Variants in BNC2 observed in about 807,000 individuals in gnomAD.
BNC2 encodes zinc finger protein basonuclin-2.
BNC2 carries 20 observed loss-of-function variants against 76.3 expected under a neutral mutation model. The ratio of observed to expected loss-of-function variants is 0.26; its 90% CI spans 0.18 to 0.38. The LOEUF is 0.38. Among genes scored for constraint, BNC2 ranks in the 10% least tolerant of loss-of-function variants. The pLI is 1.00. For synonymous variants in BNC2, 582 were observed against 514.8 expected (o/e 1.13, Z -1.77); for missense variants, 1,382 against 1,399.8 (o/e 0.99, Z 0.20).
chr9:16,758,881 T>A (rs1261089856), intron 1 of BNC2, among the ~76,000 whole-genome samples: 2 of 151,552 alleles, frequency 1.3e-5, no homozygotes, highest in Non-Finnish European at 2.9e-5. Flanking sequence ...TGGTTGTATT[T>A]ATACTCACAG....
intron 4 of BNC2, among the ~76,000 whole-genome samples, chr9:16,557,388 A>G (rs1463194509): frequency 6.6e-6 from 1 of 151,938 alleles, no homozygotes; most frequent in African/African-American, 2.4e-5. Flanking sequence ...AGTCCCAGCT[A>G]CTTGGAAGGC....
intron 1 of BNC2, among the ~76,000 whole-genome samples, chr9:16,866,414 T>C (rs2136231603): frequency 6.6e-6 from 1 of 151,878 alleles, no homozygotes; most frequent in Admixed American, 6.6e-5. Flanking sequence ...TAAAAGAAGT[T>C]AACCCACTTC....
At position 16,769,659 on chromosome 9, in the gene BNC2, G is replaced by A. The variant is rs115587332; in HGVS notation, c.4-31174C>T. 3.4e-3 allele frequency among the ~76,000 whole-genome samples: 522 copies of A among 152,276 alleles called. 3 individuals are homozygous for A. Among genetic ancestry groups the A allele is most frequent in the African/African-American group, 0.012 (491 of 41,546 alleles). ...CTGCCTGCCCCTTACTAGTCACACC[G>A]CTTCCTCATCTACAAAATGAGGTAA... On this transcript the variant is annotated intron_variant, in intron 1 of 6. Transcript: ENST00000380672.
At chr9:16,666,308 G>A (rs550895602) in intron 3 of BNC2, among the ~76,000 whole-genome samples, 4 of 152,232 alleles carry the variant, frequency 2.6e-5, no homozygotes, top group Admixed American at 6.5e-5. Flanking sequence ...CTCTGGTAAT[G>A]TTGGCATTCC....
intron 1 of BNC2, among the ~76,000 whole-genome samples, chr9:16,755,593 C>T (rs1825361967): frequency 6.6e-6 from 1 of 152,078 alleles, no homozygotes; most frequent in Non-Finnish European, 1.5e-5. Context: ...CAGTACATTC[C>T]CAGGGTTCAG....
At chr9:16,736,463 A>T (rs1824672447) in intron 2 of BNC2, among the ~76,000 whole-genome samples, 1 of 150,378 alleles carries the variant, frequency 6.6e-6, no homozygotes, top group Non-Finnish European at 1.5e-5. Flanking sequence ...ATTATTGTTT[A>T]TTATTATGAT....
intron 3 of BNC2, among the ~76,000 whole-genome samples, chr9:16,705,943 C>CAA (rs1441605715): frequency 6.6e-6 from 1 of 152,118 alleles, no homozygotes; most frequent in East Asian, 1.9e-4. Flanking sequence ...AACAAACAAG[C>CAA]AACAATATTA....
intron 1 of BNC2, among the ~76,000 whole-genome samples, chr9:16,838,751 T>C (rs957238586): frequency 4.6e-5 from 7 of 152,226 alleles, no homozygotes; most frequent in African/African-American, 1.7e-4. Context: ...ACAGTTGCTC[T>C]TAGGTAAAAT....
At chr9:16,548,403 TCG>T (rs1818554946) in intron 5 of BNC2, among the ~76,000 whole-genome samples, 1 of 149,680 alleles carries the variant, frequency 6.7e-6, no homozygotes, top group African/African-American at 2.4e-5. Flanking sequence ...TTCTTCTTCT[TCG>T]TTTTTTTTTT....
At chr9:16,841,962 A>G (rs1818841179) in intron 1 of BNC2, among the ~76,000 whole-genome samples, 1 of 152,110 alleles carries the variant, frequency 6.6e-6, no homozygotes, top group Non-Finnish European at 1.5e-5. Context: ...GGCATGCACT[A>G]CCACGTCCAT....
intron 6 of BNC2, among the ~76,000 whole-genome samples, chr9:16,430,799 G>A (rs770432937): frequency 6.6e-6 from 1 of 152,228 alleles, no homozygotes; most frequent in Non-Finnish European, 1.5e-5. Context: ...AAATACACAT[G>A]TCTTCCGCCA....
intron 5 of BNC2, among the ~76,000 whole-genome samples, chr9:16,485,362 T>A (rs1478448837): frequency 1.3e-5 from 2 of 152,194 alleles, no homozygotes; most frequent in African/African-American, 4.8e-5. Flanking sequence ...CAGTTTGCAT[T>A]TTTGTAAAGT....
intron 1 of BNC2, among the ~76,000 whole-genome samples, chr9:16,749,267 A>G (rs56348592): frequency 0.2 from 30,522 of 152,152 alleles, 4,108 homozygotes; most frequent in East Asian, 0.75. Context: ...CTCTTACAAA[A>G]GTAGAAGTCT....
At chr9:16,820,791 C>A in intron 1 of BNC2, among the ~76,000 whole-genome samples, 1 of 148,368 alleles carries the variant, frequency 6.7e-6, no homozygotes. Context: ...TGAAACAGGC[C>A]AAGTGTATAA....
intron 3 of BNC2, among the ~76,000 whole-genome samples, chr9:16,721,325 G>C (rs985469044): frequency 1.3e-5 from 2 of 152,004 alleles, no homozygotes; most frequent in African/African-American, 4.8e-5. Flanking sequence ...CTTTTCCTTT[G>C]TTTCTCTAAA....
chr9:16,849,608 C>T (rs960653697), intron 1 of BNC2, among the ~76,000 whole-genome samples: 13 of 152,070 alleles, frequency 8.5e-5, no homozygotes, highest in African/African-American at 3.1e-4. Flanking sequence ...ACCTACTCGC[C>T]TCTGCCTCCC....
intron 1 of BNC2, among the ~76,000 whole-genome samples, chr9:16,853,103 A>G (rs562195118): frequency 6.6e-6 from 1 of 152,302 alleles, no homozygotes; most frequent in South Asian, 2.1e-4. Flanking sequence ...GCATAGAAGT[A>G]CTAGGCCACT....
intron 1 of BNC2, among the ~76,000 whole-genome samples, chr9:16,807,433 C>CTACA (rs755089811): frequency 6.6e-6 from 1 of 152,150 alleles, no homozygotes; most frequent in Non-Finnish European, 1.5e-5. Flanking sequence ...TTACATCAGT[C>CTACA]TACAAAATAT....
intron 5 of BNC2, among the ~76,000 whole-genome samples, chr9:16,500,849 G>C (rs1396644817): frequency 6.6e-6 from 1 of 152,208 alleles, no homozygotes; most frequent in Non-Finnish European, 1.5e-5. Flanking sequence ...GCAGGAATGA[G>C]ACAGGTGGTT....
Sources: gnomAD v4.1 joint callset for allele counts (sites outside exome capture counted in the v4.1 genomes callset) on GRCh38, gnomAD v4.1.1 for gene constraint, MANE v1.5 for transcripts, NCBI Gene and HGNC (gene_info 2026-07-23, HGNC 2026-07-21) for gene names.